JARID2: variants seen among roughly 807,000 people sequenced by gnomAD.
JARID2 encodes the protein jumonji and AT-rich interaction domain containing 2, also known as protein Jumonji.
In JARID2, 21 loss-of-function variants were observed where a neutral mutation model predicts 125.6. That is an observed-to-expected ratio of 0.17 (90% confidence interval 0.12 to 0.24). JARID2 has a LOEUF of 0.24. JARID2 is among the 10% of genes least tolerant of loss of function. The pLI is 1.00. For synonymous variants in JARID2, 736 were observed against 661.6 expected (o/e 1.11, Z -1.73); for missense variants, 1,303 against 1,639.6 (o/e 0.79, Z 3.55).
At chr6:15,276,539 G>A (rs751260203) in intron 1 of JARID2, among the ~76,000 whole-genome samples, 1 of 152,190 alleles carries the variant, frequency 6.6e-6, no homozygotes, top group African/African-American at 2.4e-5. Context: ...TTCCAGCTCA[G>A]CCGCTTCCAT....
At chr6:15,249,753 T>C (rs575264722) in intron 1 of JARID2, among the ~76,000 whole-genome samples, 1 of 152,320 alleles carries the variant, frequency 6.6e-6, no homozygotes, top group East Asian at 1.9e-4. Flanking sequence ...TTGTCGATAG[T>C]AGGCTTTGGG....
At chr6:15,425,127 G>A (rs1561854569) in intron 3 of JARID2, among the ~76,000 whole-genome samples, 2 of 152,162 alleles carry the variant, frequency 1.3e-5, no homozygotes, top group South Asian at 4.1e-4. Context: ...CCTTAAATAA[G>A]TCAATGAAGA....
chr6:15,430,653 C>T (rs1210671337), intron 3 of JARID2, among the ~76,000 whole-genome samples: 1 of 152,140 alleles, frequency 6.6e-6, no homozygotes, highest in East Asian at 1.9e-4. Context: ...CTGTGAAGGG[C>T]TTATTGATAA....
At chr6:15,360,006 C>G (rs1251262091) in intron 1 of JARID2, among the ~76,000 whole-genome samples, 2 of 152,030 alleles carry the variant, frequency 1.3e-5, no homozygotes, top group Non-Finnish European at 2.9e-5. Context: ...ATTTCTAAGT[C>G]CTCCACTGTT....
At chr6:15,506,242 A>G (rs16876554) in intron 9 of JARID2, among the ~76,000 whole-genome samples, 24,287 of 152,206 alleles carry the variant, frequency 0.16, 2,947 homozygotes, top group African/African-American at 0.33. Context: ...ATGTCTTTAC[A>G]GGCGCACCAG....
chr6:15,400,143 T>C (rs1317434847), intron 2 of JARID2, among the ~76,000 whole-genome samples: 1 of 152,166 alleles, frequency 6.6e-6, no homozygotes, highest in African/African-American at 2.4e-5. Context: ...CAGCTTCTGT[T>C]TGATTAGATT....
intron 2 of JARID2, among the ~76,000 whole-genome samples, chr6:15,388,356 C>T (rs1764867587): frequency 6.6e-6 from 1 of 151,950 alleles, no homozygotes; most frequent in Non-Finnish European, 1.5e-5. Flanking sequence ...TGGGAAATTA[C>T]CCTACAGTTC....
chr6:15,512,455 C>A, intron 14 of JARID2, 65 bp downstream of exon 14: 1 of 1,442,880 alleles, frequency 6.9e-7, no homozygotes, highest in Non-Finnish European at 9.7e-7. Context: ...TGCGTGAGCG[C>A]ACACAGAAGC....
chr6:15,392,830 G>A (rs1156416359), intron 2 of JARID2, among the ~76,000 whole-genome samples: 1 of 151,806 alleles, frequency 6.6e-6, no homozygotes, highest in African/African-American at 2.4e-5. Flanking sequence ...GGTTACAGGC[G>A]CCCACCATCA....
chr6:15,504,164 T>G (rs1312407634), intron 8 of JARID2, among the ~76,000 whole-genome samples: 1 of 152,242 alleles, frequency 6.6e-6, no homozygotes, highest in African/African-American at 2.4e-5. Context: ...GGATTCTGCC[T>G]CCAGCACAAG....
intron 4 of JARID2, among the ~76,000 whole-genome samples, chr6:15,458,661 C>T (rs773532126): frequency 6.6e-6 from 1 of 152,094 alleles, no homozygotes; most frequent in Non-Finnish European, 1.5e-5. Context: ...ACAATAAATG[C>T]GTGAAAATGC....
chr6:15,442,940 G>T (rs1467103739), intron 3 of JARID2, among the ~76,000 whole-genome samples: 3 of 152,118 alleles, frequency 2.0e-5, no homozygotes, highest in Non-Finnish European at 2.9e-5. Flanking sequence ...GTTTGTGCAG[G>T]ATGTCACCAG....
chr6:15,497,304 C>A, intron 7 of JARID2, 134 bp downstream of exon 7: 1 of 703,182 alleles, frequency 1.4e-6, no homozygotes, highest in Non-Finnish European at 2.4e-6. Flanking sequence ...GAGTAGTGGG[C>A]TTCTCAGCTC....
chr6:15,470,337 A>G (rs545881284), intron 5 of JARID2, among the ~76,000 whole-genome samples: 3 of 152,178 alleles, frequency 2.0e-5, no homozygotes, highest in Non-Finnish European at 4.4e-5. Flanking sequence ...TTGTCTACAA[A>G]TGGCGGAAAA....
chr6:15,313,623 TACAG>T (rs1188749207), intron 1 of JARID2, among the ~76,000 whole-genome samples: 3 of 152,136 alleles, frequency 2.0e-5, no homozygotes, highest in Non-Finnish European at 4.4e-5. Context: ...CAGTGTGCCG[TACAG>T]ATTCAGAAAT....
chr6:15,262,070 G>A (rs931011737), intron 1 of JARID2, among the ~76,000 whole-genome samples: 2 of 150,986 alleles, frequency 1.3e-5, no homozygotes, highest in African/African-American at 4.9e-5. Context: ...GTGAGCCACC[G>A]CGCCCGGCCC....
At chr6:15,299,026 A>G (rs1293522447) in intron 1 of JARID2, among the ~76,000 whole-genome samples, 1 of 150,410 alleles carries the variant, frequency 6.6e-6, no homozygotes, top group Non-Finnish European at 1.5e-5. Flanking sequence ...AGCAGAGAGG[A>G]TGCTTTGGTG....
At chr6:15,334,028 C>T (rs1561798152) in intron 1 of JARID2, among the ~76,000 whole-genome samples, 1 of 152,012 alleles carries the variant, frequency 6.6e-6, no homozygotes. Context: ...TCTTAGCGTG[C>T]GGAAGTCCAT....
intron 3 of JARID2, among the ~76,000 whole-genome samples, chr6:15,436,519 G>A (rs1767210761): frequency 6.6e-6 from 1 of 152,164 alleles, no homozygotes; most frequent in Non-Finnish European, 1.5e-5. Flanking sequence ...GGGCGTGGCA[G>A]ATCAGGGTGG....
Sources: gnomAD v4.1 joint callset for allele counts (sites outside exome capture counted in the v4.1 genomes callset) on GRCh38, gnomAD v4.1.1 for gene constraint, MANE v1.5 for transcripts, NCBI Gene and HGNC (gene_info 2026-07-23, HGNC 2026-07-21) for gene names.